Variants in PPARG observed in about 807,000 individuals in gnomAD.
PPARG encodes peroxisome proliferator-activated receptor gamma.
Under a neutral mutation model 39.2 loss-of-function variants are expected in PPARG, and 17 were observed. The observed-to-expected ratio is 0.43, with a 90% CI of 0.30 to 0.65. The LOEUF is 0.65. Ranked by LOEUF, PPARG falls within the 30% of genes least tolerant of loss-of-function variation. The pLI is 0.13. For missense variants in PPARG, 406 were observed against 585.9 expected (o/e 0.69, Z 3.17); for synonymous variants, 223 against 215.7 (o/e 1.03, Z -0.30).
At chr3:12,323,702 A>G (rs1038757992) in intron 2 of PPARG, among the ~76,000 whole-genome samples, 10 of 152,116 alleles carry the variant, frequency 6.6e-5, no homozygotes, top group Admixed American at 5.9e-4. Flanking sequence ...CTAACCCCCA[A>G]GCCCACATAT....
chr3:12,418,043 G>A (rs762473828), intron 7 of PPARG, among the ~76,000 whole-genome samples: 4 of 150,870 alleles, frequency 2.7e-5, no homozygotes, highest in African/African-American at 7.3e-5. Context: ...AAAGTAATAC[G>A]TGGCCATTTT....
intron 2 of PPARG, among the ~76,000 whole-genome samples, chr3:12,320,567 C>T (rs1442114617): frequency 2.0e-5 from 3 of 152,164 alleles, no homozygotes; most frequent in Admixed American, 2.0e-4. Context: ...GTGGGTGGGT[C>T]ACACCTGTAA....
At chr3:12,351,825 G>T (rs928050006) in intron 2 of PPARG, 2 of 694,600 alleles carry the variant, frequency 2.9e-6, no homozygotes, top group Non-Finnish European at 5.1e-6. Flanking sequence ...TTGCTATCGC[G>T]TTCATTTAAA....
intron 2 of PPARG, among the ~76,000 whole-genome samples, chr3:12,330,510 C>A (rs1342455941): frequency 6.6e-6 from 1 of 152,070 alleles, no homozygotes; most frequent in Non-Finnish European, 1.5e-5. Flanking sequence ...TTCTATTCTT[C>A]TCTCACTTTT....
intron 1 of PPARG, among the ~76,000 whole-genome samples, chr3:12,307,137 TC>T (rs1211988718): frequency 7.3e-6 from 1 of 136,978 alleles, no homozygotes; most frequent in East Asian, 2.1e-4. Flanking sequence ...GTTAGGAAAT[TC>T]TTTTTTTTTT....
chr3:12,367,015 A>G (rs2049039144), intron 2 of PPARG, among the ~76,000 whole-genome samples: 1 of 152,206 alleles, frequency 6.6e-6, no homozygotes, highest in African/African-American at 2.4e-5. Flanking sequence ...CAGTGAACCC[A>G]GTCCGGTGCC....
At chr3:12,375,363 G>T (rs1431290630) in intron 2 of PPARG, among the ~76,000 whole-genome samples, 1 of 152,108 alleles carries the variant, frequency 6.6e-6, no homozygotes, top group Non-Finnish European at 1.5e-5. Flanking sequence ...AAAATCATGA[G>T]CAACCAATTT....
At chr3:12,291,301 AC>A (rs1333238644) in intron 1 of PPARG, among the ~76,000 whole-genome samples, 1 of 152,220 alleles carries the variant, frequency 6.6e-6, no homozygotes, top group East Asian at 1.9e-4. Context: ...TTAATTGCTT[AC>A]AAAGGTCCTT....
At chr3:12,399,332 C>T (rs1319989180) in intron 5 of PPARG, 2 of 456,340 alleles carry the variant, frequency 4.4e-6, no homozygotes, top group South Asian at 1.5e-5. Context: ...TAAAGTTGCT[C>T]CTTGTTTTCC....
chr3:12,318,432 A>G (rs375963792), intron 2 of PPARG, among the ~76,000 whole-genome samples: 4 of 152,356 alleles, frequency 2.6e-5, no homozygotes, highest in East Asian at 3.9e-4. Context: ...TCATAGAGAT[A>G]AGTTCAAATC....
In PPARG at chr3:12,434,205, A is replaced by G. The variant is rs952912901; in HGVS notation, c.*60A>G. Reference sequence around the variant, plus strand: ...CTTCCAGTTGCACTATTCTGAGGGAAAATCTGACACCTAAGAAATTTACTG... The same window carrying G: ...CTTCCAGTTGCACTATTCTGAGGGAGAATCTGACACCTAAGAAATTTACTG... On this transcript the variant is annotated 3_prime_UTR_variant, in exon 8 of 8. Transcript: ENST00000651735. This position sits in a 1 kb window ranked among gnomAD's most constrained non-coding sequence, Gnocchi z 4.2. 48 of 1,606,900 alleles carry G rather than the reference A, an allele frequency of 3.0e-5. No individual in the cohort carries two copies. The highest frequency in any genetic ancestry group is 4.0e-5 in the Non-Finnish European group (47 of 1,174,688).
chr3:12,376,228 T>C (rs1373930918), intron 2 of PPARG, among the ~76,000 whole-genome samples: 1 of 152,112 alleles, frequency 6.6e-6, no homozygotes, highest in East Asian at 1.9e-4. Flanking sequence ...GAATTACAGG[T>C]GTGAGCCACC....
intron 1 of PPARG, among the ~76,000 whole-genome samples, chr3:12,309,454 TTTTA>T (rs1320874619): frequency 8.5e-5 from 13 of 152,310 alleles, no homozygotes; most frequent in African/African-American, 3.1e-4. Context: ...TTAATTAACA[TTTTA>T]TTTATTATTT....
chr3:12,328,003 A>G (rs1350480196), intron 2 of PPARG: 3 of 889,726 alleles, frequency 3.4e-6, no homozygotes, highest in Admixed American at 3.4e-5. Context: ...AACCTACTGT[A>G]TAGTGATTGA....
chr3:12,350,316 G>A (rs1193440081), intron 2 of PPARG, among the ~76,000 whole-genome samples: 1 of 152,110 alleles, frequency 6.6e-6, no homozygotes, highest in Non-Finnish European at 1.5e-5. Context: ...TTTATTCCGT[G>A]ATGTTCAGAC....
intron 7 of PPARG, among the ~76,000 whole-genome samples, chr3:12,423,725 G>A (rs6784211): frequency 0.034 from 5,156 of 152,292 alleles, 279 homozygotes; most frequent in African/African-American, 0.12. Flanking sequence ...CACCTCTCCT[G>A]TACCAGCTAA....
At chr3:12,314,174 G>A (rs972277056) in intron 2 of PPARG, among the ~76,000 whole-genome samples, 21 of 152,170 alleles carry the variant, frequency 1.4e-4, no homozygotes, top group Admixed American at 9.8e-4. Context: ...CTACTTGGGA[G>A]GCTGAGGCAT....
intron 4 of PPARG, among the ~76,000 whole-genome samples, chr3:12,384,923 A>G (rs1490510360): frequency 2.6e-5 from 4 of 152,166 alleles, no homozygotes; most frequent in African/African-American, 9.6e-5. Flanking sequence ...GGGGTCTTCT[A>G]TAATTTTAAA....
At chr3:12,306,894 C>T (rs1369232016) in intron 1 of PPARG, among the ~76,000 whole-genome samples, 1 of 151,858 alleles carries the variant, frequency 6.6e-6, no homozygotes, top group Non-Finnish European at 1.5e-5. Flanking sequence ...GTCAGGAGAT[C>T]GAGACCATCC....
Sources: allele counts gnomAD v4.1 joint callset (sites outside exome capture counted in the v4.1 genomes callset), GRCh38; gene constraint gnomAD v4.1.1; non-coding constraint Gnocchi (gnomAD v3.1); transcripts MANE v1.5; gene names NCBI Gene and HGNC (gene_info 2026-07-23, HGNC 2026-07-21).